Variants in CXCR4 observed in about 807,000 individuals in gnomAD.
The protein encoded by CXCR4 is C-X-C motif chemokine receptor 4.
Under a neutral mutation model 22.4 loss-of-function variants are expected in CXCR4, and 6 were observed. That is an observed-to-expected ratio of 0.27 (90% confidence interval 0.15 to 0.53). CXCR4 has a LOEUF of 0.53. Ranked by LOEUF, CXCR4 falls within the 20% of genes least tolerant of loss-of-function variation. CXCR4 has a pLI of 0.96. For synonymous variants in CXCR4, 155 were observed against 171.7 expected, an observed-to-expected ratio of 0.90 and a Z score of 0.76; for missense variants, 300 against 430.4, an observed-to-expected ratio of 0.70 and a Z score of 2.68.
At chr2:136,117,869 T>TCCA in intron 1 of CXCR4, 177 bp downstream of exon 1, 6 of 170,812 alleles carry the variant, frequency 3.5e-5, no homozygotes, top group South Asian at 2.8e-4. Flanking sequence ...CCAATCCTGC[T>TCCA]CCCCCCCCAC....
At position 136,115,298 on chromosome 2, in the gene CXCR4, C is replaced by T. The variant is rs1281617761; in HGVS notation, c.630G>A (p.Leu210=). Residue 210 remains leucine, a synonymous_variant, in exon 2 of 2, where the codon CTG becomes CTA. Coordinates refer to ENST00000241393, the MANE Select transcript of CXCR4 (RefSeq NM_003467.3). The surrounding 1 kb of genome is among the most constrained non-coding windows in gnomAD (Gnocchi z 6.4). ...QFQHIMVGLI[L]PGIVILSCYC... ...AGCAGGACAGGATGACAATACCAGG[C>T]AGGATAAGGCCAACCATGATGTGCT... 2 of 1,614,146 alleles carry T rather than the reference C, an allele frequency of 1.2e-6. No homozygotes were observed. The highest frequency in any genetic ancestry group is 1.1e-5 in the South Asian group (1 of 91,078).
rs374115177 is a variant in CXCR4, at chr2:136,115,484, C to T, written c.444G>A (p.Arg148=). Residue 148 remains arginine (R), a synonymous_variant, in exon 2 of 2, where the codon AGG becomes AGA. Coordinates refer to ENST00000241393, the MANE Select transcript of CXCR4 (RefSeq NM_003467.3). This position sits in a 1 kb window ranked among gnomAD's most constrained non-coding sequence, Gnocchi z 6.4. ...IVHATNSQRP[R]KLLAEKVVYV... ...AGACCACCTTTTCAGCCAACAGCTT[C>T]CTTGGCCTCTGACTGTTGGTGGCGT... 18 of 1,614,088 alleles carry T rather than the reference C, an allele frequency of 1.1e-5. No individual in the cohort carries two copies. The highest frequency in any genetic ancestry group is 4.0e-5 in the African/African-American group (3 of 74,922).
rs889294290 is a variant in CXCR4 at position 136,114,454 on chromosome 2, C to G, written c.*415G>C. ...CTGAAAAACCAGCATTTCTATACCA[C>G]TTTGGGCTTTGGTTATAAGTGCCAT... is the stretch of plus-strand genomic sequence containing the variant. On this transcript the variant is annotated 3_prime_UTR_variant, in exon 2 of 2. Coordinates refer to ENST00000241393, the MANE Select transcript of CXCR4 (RefSeq NM_003467.3). 3 of 240,436 alleles carry G rather than the reference C, an allele frequency of 1.2e-5. No individual in the cohort carries two copies. The highest frequency in any genetic ancestry group is 8.2e-6 in the Non-Finnish European group (1 of 121,594). The allele number at this position is 240,436 out of a possible 1,614,324, so 14.9% of individuals were successfully genotyped here. A position where few individuals can be genotyped will look rare whatever the true frequency, so the allele number is the denominator to read the frequency against.
chr2:136,114,544 A>G lies in CXCR4; in HGVS notation c.*325T>C. 1.1e-5 allele frequency: 3 copies of G among 274,716 alleles called. No homozygotes were observed. The highest frequency in any genetic ancestry group is 2.1e-5 in the Non-Finnish European group (3 of 142,578). 17.0% of individuals were successfully genotyped at this position (274,716 alleles called of 1,614,324 possible). A position where few individuals can be genotyped will look rare whatever the true frequency, so the allele number is the denominator to read the frequency against. On this transcript the variant is annotated 3_prime_UTR_variant, in exon 2 of 2. Transcript: ENST00000241393. The stretch of plus-strand genomic sequence containing the variant: ...TTCCACGGGAATGGAGAGATTATCT[A>G]TGCATAAACAGCTGGGGATCATTTC...
At position 136,115,786 on chromosome 2, in the gene CXCR4, T is replaced by C. The variant is rs1359102217; in HGVS notation, c.142A>G (p.Ile48Val). 2 of 1,614,070 alleles carry C rather than the reference T, an allele frequency of 1.2e-6. No homozygotes were observed. Among genetic ancestry groups the C allele is most frequent in the African/African-American group, 1.3e-5 (1 of 74,910 alleles). Residue 48 changes from isoleucine to valine, a missense_variant, in exon 2 of 2, where the codon ATC (isoleucine) becomes GTC (valine). Around this residue, in one of 3 missense-constraint regions of CXCR4, gnomAD observed 118 missense variants for 188.2 expected, o/e 0.63. Coordinates refer to ENST00000241393, the MANE Select transcript of CXCR4 (RefSeq NM_003467.3). The surrounding 1 kb of genome is among the most constrained non-coding windows in gnomAD (Gnocchi z 6.4). The stretch of plus-strand genomic sequence containing the variant: ...TTGCCCACAATGCCAGTTAAGAAGA[T>C]GATGGAGTAGATGGTGGGCAGGAAG... Reference protein sequence around the residue: ...KIFLPTIYSIIFLTGIVGNGL... With the variant: ...KIFLPTIYSIVFLTGIVGNGL...
chr2:136,115,703 C>T lies in CXCR4; in HGVS notation c.225G>A (p.Lys75=). ...YQKKLRSMTD[K]YRLHLSVADL... ...CGGCCACTGACAGGTGCAGCCTGTA[C>T]TTGTCCGTCATGCTTCTCAGTTTCT... Residue 75 remains lysine, a synonymous_variant, in exon 2 of 2, where the codon AAG becomes AAA. Coordinates refer to ENST00000241393, the MANE Select transcript of CXCR4 (RefSeq NM_003467.3). The surrounding 1 kb of genome is among the most constrained non-coding windows in gnomAD (Gnocchi z 6.4). 1 of 1,614,228 alleles carries T rather than the reference C, an allele frequency of 6.2e-7. No homozygotes were observed. The highest frequency in any genetic ancestry group is 8.5e-7 in the Non-Finnish European group (1 of 1,180,042).
rs751111963 is a variant in CXCR4, at chr2:136,118,088, G to A, written c.-28C>T. 9.3e-6 allele frequency: 15 copies of A among 1,612,118 alleles called. 1 individual carries two copies. Among genetic ancestry groups the A allele is most frequent in the Middle Eastern group, 3.3e-4 (2 of 6,064 alleles). ...TAACCGCTGGTTCTCCAGATGCGGTGGCTACTGGAGCACTCAGGCCCTCGG... is the reference window on the plus strand; with the variant it reads ...TAACCGCTGGTTCTCCAGATGCGGTAGCTACTGGAGCACTCAGGCCCTCGG... On this transcript the variant is annotated 5_prime_UTR_variant, in exon 1 of 2. Coordinates refer to ENST00000241393, the MANE Select transcript of CXCR4 (RefSeq NM_003467.3).
rs768296315 is a variant in CXCR4 at position 136,115,841 on chromosome 2, G to A, written c.87C>T (p.Phe29=). 7.4e-5 allele frequency: 119 copies of A among 1,614,178 alleles called. No individual in the cohort carries two copies. The highest frequency in any genetic ancestry group is 9.7e-5 in the Non-Finnish European group (115 of 1,180,032). ...TATTGAAATTAGCATTTTCTTCACG[G>A]AAACAGGGTTCCTTCATGGAGTCAT... The part of the protein sequence containing the change: ...GDYDSMKEPC[F]REENANFNKI... Residue 29 remains phenylalanine, a synonymous_variant, in exon 2 of 2, where the codon TTC becomes TTT. Coordinates refer to ENST00000241393, the MANE Select transcript of CXCR4 (RefSeq NM_003467.3). The surrounding 1 kb of genome is among the most constrained non-coding windows in gnomAD (Gnocchi z 6.4).
Position 136,114,739 on chromosome 2 carries a change from A to G in CXCR4, c.*130T>C, listed in dbSNP as rs1684834246. The G allele has an allele frequency of 3.5e-6, 3 of 850,446 alleles. No individual in the cohort carries two copies. Among genetic ancestry groups the G allele is most frequent in the African/African-American group, 3.5e-5 (2 of 57,828 alleles). The allele number at this position is 850,446 out of a possible 1,614,324, so 52.7% of individuals were successfully genotyped here. On this transcript the variant is annotated 3_prime_UTR_variant, in exon 2 of 2. Coordinates refer to ENST00000241393, the MANE Select transcript of CXCR4 (RefSeq NM_003467.3). ...AAGTCAATTAAACTTCACAAAAACT[A>G]AAGAAACACAAGACAAAAATCCAAC...
chr2:136,117,787 A>G, intron 1 of CXCR4: 1 of 482,132 alleles, frequency 2.1e-6, no homozygotes. Flanking sequence ...GGCGGGACTC[A>G]AGGGGGAGAC....
chr2:136,116,406 G>A (rs560223240), intron 1 of CXCR4, among the ~76,000 whole-genome samples: 52 of 152,094 alleles, frequency 3.4e-4, no homozygotes, highest in African/African-American at 1.1e-3. Context: ...GGGGAGGGCG[G>A]GGGCGTTGCA....
At position 136,115,339 on chromosome 2, in the gene CXCR4, C is replaced by T. The variant is rs546013875; in HGVS notation, c.589G>A (p.Val197Ile). 3.1e-6 allele frequency: 5 copies of T among 1,614,174 alleles called. No individual in the cohort carries two copies. Among genetic ancestry groups the T allele is most frequent in the Middle Eastern group, 1.6e-4 (1 of 6,062 alleles). Residue 197 changes from valine to isoleucine, a missense_variant, in exon 2 of 2, where the codon GTT (valine) becomes ATT (isoleucine). Val to Ile is a conservative substitution (Grantham distance 29, BLOSUM62 3). Coordinates refer to ENST00000241393, the MANE Select transcript of CXCR4 (RefSeq NM_003467.3). This position sits in a 1 kb window ranked among gnomAD's most constrained non-coding sequence, Gnocchi z 6.4. Reference sequence around the variant, plus strand: ...ATGATGTGCTGAAACTGGAACACAACCACCCACAAGTCATTGGGGTAGAAG... The same window carrying T: ...ATGATGTGCTGAAACTGGAACACAATCACCCACAAGTCATTGGGGTAGAAG... ...DRFYPNDLWV[V>I]VFQFQHIMVG...
intron 1 of CXCR4, among the ~76,000 whole-genome samples, chr2:136,116,621 G>A (rs999790029): frequency 1.3e-5 from 2 of 152,224 alleles, no homozygotes; most frequent in Non-Finnish European, 2.9e-5. Flanking sequence ...CCTCCGGTGT[G>A]TGGGTCTCTT....
Position 136,114,603 on chromosome 2 carries a change from G to T in CXCR4, c.*266C>A. The T allele has an allele frequency of 2.7e-6, 1 of 365,222 alleles. No homozygotes were observed. The highest frequency in any genetic ancestry group is 5.0e-6 in the Non-Finnish European group (1 of 199,486). The allele number at this position is 365,222 out of a possible 1,614,324, so 22.6% of individuals were successfully genotyped here. ...CGTGATTCACTACACGCTCTGGAAT[G>T]TTCAGTTCCCTTTTCTACAGTCCTA... On this transcript the variant is annotated 3_prime_UTR_variant, in exon 2 of 2. Coordinates refer to ENST00000241393, the MANE Select transcript of CXCR4 (RefSeq NM_003467.3).
Position 136,116,794 on chromosome 2 carries a change from C to G in CXCR4, c.16-882G>C, listed in dbSNP as rs560211223. ...ATTACCCCGCCACTGATCCAGTTAA[C>G]CCGGCCGGAGGTGGGCAGCTGGAAG... is the stretch of plus-strand genomic sequence containing the variant. On this transcript the variant is annotated intron_variant, in intron 1 of 1. Transcript: ENST00000241393. Among the ~76,000 whole-genome samples the G allele has an allele frequency of 5.3e-5, 8 of 152,298 alleles. No homozygotes were observed. The South Asian group carries it at 1.7e-3, about 32-fold the overall frequency.
Position 136,115,342 on chromosome 2 carries a change from C to CCCACA in CXCR4, c.581_585dup (p.Val196CysfsTer97). The CCCACA allele has an allele frequency of 6.2e-7, 1 of 1,614,162 alleles. No individual in the cohort carries two copies. The highest frequency in any genetic ancestry group is 8.5e-7 in the Non-Finnish European group (1 of 1,180,040). On this transcript the variant is annotated frameshift_variant, in exon 2 of 2. Transcript: ENST00000241393. LOFTEE classifies it high-confidence loss of function. The surrounding 1 kb of genome is among the most constrained non-coding windows in gnomAD (Gnocchi z 6.4). ...ATGTGCTGAAACTGGAACACAACCA[C>CCCACA]CCACAAGTCATTGGGGTAGAAGCGG...
chr2:136,115,325 A>G lies in CXCR4; in HGVS notation c.603T>C (p.Phe201=). Residue 201 remains phenylalanine (F), a synonymous_variant, in exon 2 of 2, where the codon TTT becomes TTC. Transcript: ENST00000241393. This position sits in a 1 kb window ranked among gnomAD's most constrained non-coding sequence, Gnocchi z 6.4. ...GGATAAGGCCAACCATGATGTGCTG[A>G]AACTGGAACACAACCACCCACAAGT... ...PNDLWVVVFQ[F]QHIMVGLILP... 1 of 1,614,206 alleles carries G rather than the reference A, an allele frequency of 6.2e-7. No homozygotes were observed. The highest frequency in any genetic ancestry group is 8.5e-7 in the Non-Finnish European group (1 of 1,180,040).
In CXCR4 at chr2:136,115,741, T is replaced by C; in HGVS notation, c.187A>G (p.Met63Val). The C allele has an allele frequency of 6.2e-7, 1 of 1,614,198 alleles. No individual in the cohort carries two copies. Among genetic ancestry groups the C allele is most frequent in the African/African-American group, 1.3e-5 (1 of 75,046 alleles). ...CTTCTCAGTTTCTTCTGGTAACCCA[T>C]GACCAGGATGACCAATCCATTGCCC... Reference protein sequence around the residue: ...IVGNGLVILVMGYQKKLRSMT... With the variant: ...IVGNGLVILVVGYQKKLRSMT... The change falls in exon 2 of 2, where the codon ATG becomes GTG. Residue 63 changes from methionine (M) to valine (V), a missense_variant. Met to Val is a conservative substitution (Grantham distance 21, BLOSUM62 1). Coordinates refer to ENST00000241393, the MANE Select transcript of CXCR4 (RefSeq NM_003467.3). The surrounding 1 kb of genome is among the most constrained non-coding windows in gnomAD (Gnocchi z 6.4).
chr2:136,115,866 T>G lies in CXCR4; in HGVS notation c.62A>C (p.Tyr21Ser). 1 of 1,614,218 alleles carries G rather than the reference T, an allele frequency of 6.2e-7. No individual in the cohort carries two copies. Among genetic ancestry groups the G allele is most frequent in the Non-Finnish European group, 8.5e-7 (1 of 1,180,030 alleles). ...GAAACAGGGTTCCTTCATGGAGTCA[T>G]AGTCCCCTGAGCCCATTTCCTCGGT... ...NYTEEMGSGD[Y>S]DSMKEPCFRE... Residue 21 changes from tyrosine (Y) to serine (S), a missense_variant, in exon 2 of 2, where the codon TAT (tyrosine) becomes TCT (serine). Tyr to Ser is a moderately radical substitution (Grantham distance 144). Transcript: ENST00000241393. This position sits in a 1 kb window ranked among gnomAD's most constrained non-coding sequence, Gnocchi z 6.4.
Sources: allele counts gnomAD v4.1 joint callset (sites outside exome capture counted in the v4.1 genomes callset), GRCh38; gene constraint gnomAD v4.1.1; regional missense constraint gnomAD v4.1.1; non-coding constraint Gnocchi (gnomAD v3.1); transcripts MANE v1.5; gene names NCBI Gene and HGNC (gene_info 2026-07-23, HGNC 2026-07-21).